Variants in OR4A16 observed in about 807,000 individuals in gnomAD.
OR4A16 encodes olfactory receptor family 4 subfamily A member 16, also known as olfactory receptor 4A16.
For synonymous variants in OR4A16, 210 were observed against 138.6 expected (o/e 1.51, Z -3.62); for missense variants, 594 against 390.9 (o/e 1.52, Z -4.38).
At position 55,343,362 on chromosome 11, in the gene OR4A16, C is replaced by A; in HGVS notation, c.162C>A (p.Gly54=). ...WVTTIGSPSL[G]SLMYFFLAYL... The stretch of plus-strand genomic sequence containing the variant: ...CTACTATTGGCAGCCCCTCCTTGGG[C>A]TCCCTAATGTACTTCTTCCTTGCCT... The change falls in exon 1 of 1, where the codon GGC becomes GGA. Residue 54 remains glycine (G), a synonymous_variant. Coordinates refer to ENST00000314721, the MANE Select transcript of OR4A16 (RefSeq NM_001005274.1). 6.2e-7 allele frequency: 1 copy of A among 1,613,804 alleles called. No homozygotes were observed. The highest frequency in any genetic ancestry group is 8.5e-7 in the Non-Finnish European group (1 of 1,179,834).
Position 55,344,079 on chromosome 11 carries a change from A to T in OR4A16, c.879A>T (p.Lys293Asn). ...LIYSLRQSEM[K>N]NAMKNLWCEK... is the part of the protein sequence containing the mutation. The stretch of plus-strand genomic sequence containing the variant: ...ACTCGTTGAGACAATCAGAGATGAA[A>T]AATGCTATGAAAAATCTCTGGTGTG... Residue 293 changes from lysine to asparagine, a missense_variant, in exon 1 of 1, where the codon AAA becomes AAT. By Grantham distance (94) the Lys-to-Asn change is moderately conservative. Coordinates refer to ENST00000314721, the MANE Select transcript of OR4A16 (RefSeq NM_001005274.1). 1 of 1,611,824 alleles carries T rather than the reference A, an allele frequency of 6.2e-7. No individual in the cohort carries two copies. The highest frequency in any genetic ancestry group is 8.5e-7 in the Non-Finnish European group (1 of 1,178,710).
Position 55,343,911 on chromosome 11 carries a change from C to T in OR4A16, c.711C>T (p.Thr237=). Residue 237 remains threonine (T), a synonymous_variant, in exon 1 of 1, where the codon ACC becomes ACT. Transcript: ENST00000314721. The part of the protein sequence containing the change: ...SQEERHKALP[T]CISHIIVVAL... ...AAGAGAGGCATAAAGCCCTGCCTAC[C>T]TGCATCTCCCACATCATTGTGGTTG... 2 of 1,613,806 alleles carry T rather than the reference C, an allele frequency of 1.2e-6. No individual in the cohort carries two copies. Among genetic ancestry groups the T allele is most frequent in the Non-Finnish European group, 1.7e-6 (2 of 1,179,888 alleles).
At position 55,343,755 on chromosome 11, in the gene OR4A16, G is replaced by T; in HGVS notation, c.555G>T (p.Leu185=). The T allele has an allele frequency of 6.2e-7, 1 of 1,601,460 alleles. No individual in the cohort carries two copies. The highest frequency in any genetic ancestry group is 8.5e-7 in the Non-Finnish European group (1 of 1,172,284). Residue 185 remains leucine (L), a synonymous_variant, in exon 1 of 1, where the codon CTG becomes CTT. Coordinates refer to ENST00000314721, the MANE Select transcript of OR4A16 (RefSeq NM_001005274.1). ...SVCDMYPLLE[L]LCLDTYFIGL... ...GTGACATGTACCCATTGTTGGAACT[G>T]TTGTGCCTTGACACCTACTTTATAG...
At position 55,343,985 on chromosome 11, in the gene OR4A16, A is replaced by G; in HGVS notation, c.785A>G (p.Asn262Ser). 6.2e-7 allele frequency: 1 copy of G among 1,613,496 alleles called. No homozygotes were observed. Among genetic ancestry groups the G allele is most frequent in the South Asian group, 1.1e-5 (1 of 91,066 alleles). The change falls in exon 1 of 1, where the codon AAC (asparagine) becomes AGC (serine). Residue 262 changes from asparagine (N) to serine (S), a missense_variant. By Grantham distance (46) the Asn-to-Ser change is conservative. Transcript: ENST00000314721. ...TTTATGTATGTTAGACCCGTTTCCA[A>G]CTTTCCCTTTGATAAATTAATGACT... Reference protein sequence around the residue: ...CIFMYVRPVSNFPFDKLMTVF... With the variant: ...CIFMYVRPVSSFPFDKLMTVF...
At position 55,343,611 on chromosome 11, in the gene OR4A16, G is replaced by A. The variant is rs1224019126; in HGVS notation, c.411G>A (p.Leu137=). The A allele has an allele frequency of 1.2e-6, 2 of 1,613,316 alleles. No individual in the cohort carries two copies. The highest frequency in any genetic ancestry group is 1.7e-6 in the Non-Finnish European group (2 of 1,179,792). The change falls in exon 1 of 1, where the codon CTG becomes CTA. Residue 137 remains leucine, a synonymous_variant. Coordinates refer to ENST00000314721, the MANE Select transcript of OR4A16 (RefSeq NM_001005274.1). The part of the protein sequence containing the change: ...PLHYLNIMNR[L]VCILLLVVAM... Reference sequence around the variant, plus strand: ...ACTATTTGAACATCATGAATCGACTGGTTTGCATCCTTCTGTTGGTGGTGG... The same window carrying A: ...ACTATTTGAACATCATGAATCGACTAGTTTGCATCCTTCTGTTGGTGGTGG...
In OR4A16 at chr11:55,343,495, C is replaced by A. The variant is rs374770148; in HGVS notation, c.295C>A (p.Leu99Ile). The A allele has an allele frequency of 3.0e-5, 48 of 1,613,836 alleles. No homozygotes were observed. The highest frequency in any genetic ancestry group is 3.8e-5 in the Non-Finnish European group (45 of 1,179,914). ...TTCCTTGTCAGCTTGCATGGGTCAGCTCTTCATAGAACACTTACTTGGTGG... is the reference window on the plus strand; with the variant it reads ...TTCCTTGTCAGCTTGCATGGGTCAGATCTTCATAGAACACTTACTTGGTGG... ...AISLSACMGQLFIEHLLGGAE... is the reference protein window; with the variant it reads ...AISLSACMGQIFIEHLLGGAE... Residue 99 changes from leucine (L) to isoleucine (I), a missense_variant, in exon 1 of 1, where the codon CTC becomes ATC. By Grantham distance (5) the Leu-to-Ile change is conservative. Transcript: ENST00000314721.
Position 55,343,885 on chromosome 11 carries a change from G to T in OR4A16, c.685G>T (p.Glu229Ter), listed in dbSNP as rs745945050. ...ILNFLKTYSQ[E>*]ERHKALPTCI... ...AAACTTCCTTAAAACTTACAGTCAGGAAGAGAGGCATAAAGCCCTGCCTAC... is the reference window on the plus strand; with the variant it reads ...AAACTTCCTTAAAACTTACAGTCAGTAAGAGAGGCATAAAGCCCTGCCTAC... The change falls in exon 1 of 1, where the codon GAA becomes TAA. Residue 229 changes from glutamate (E) to a stop codon, truncating the protein, a stop_gained. Coordinates refer to ENST00000314721, the MANE Select transcript of OR4A16 (RefSeq NM_001005274.1). LOFTEE classifies it low-confidence loss of function (END_TRUNC). The T allele has an allele frequency of 6.2e-6, 10 of 1,613,730 alleles. No homozygotes were observed. The Middle Eastern group carries it at 5.0e-4, about 81-fold the overall frequency.
rs1278449237 is a variant in OR4A16, at chr11:55,343,335, G to A, written c.135G>A (p.Val45=). 34 of 1,613,794 alleles carry A rather than the reference G, an allele frequency of 2.1e-5. No individual in the cohort carries two copies. The highest frequency in any genetic ancestry group is 2.8e-5 in the Non-Finnish European group (33 of 1,179,864). The change falls in exon 1 of 1, where the codon GTG becomes GTA. Residue 45 remains valine, a synonymous_variant. Transcript: ENST00000314721. ...VTMVGNLLIW[V]TTIGSPSLGS... Reference sequence around the variant, plus strand: ...TGGTGGGAAACCTCCTCATTTGGGTGACTACTATTGGCAGCCCCTCCTTGG... The same window carrying A: ...TGGTGGGAAACCTCCTCATTTGGGTAACTACTATTGGCAGCCCCTCCTTGG...
Position 55,344,168 on chromosome 11 carries a change from A to G in OR4A16, c.968A>G (p.Lys323Arg). The change falls in exon 1 of 1, where the codon AAG becomes AGG. Residue 323 changes from lysine (K) to arginine (R), a missense_variant. By Grantham distance (26) the Lys-to-Arg change is conservative. Transcript: ENST00000314721. The part of the protein sequence containing the change: ...PTLNIFIPSS[K>R]ATNRR ...CTGAACATATTTATTCCTAGTTCTAAGGCAACAAATAGGCGGTAAAATACT... is the reference window on the plus strand; with the variant it reads ...CTGAACATATTTATTCCTAGTTCTAGGGCAACAAATAGGCGGTAAAATACT... 2 of 1,585,854 alleles carry G rather than the reference A, an allele frequency of 1.3e-6. No homozygotes were observed. The highest frequency in any genetic ancestry group is 8.5e-7 in the Non-Finnish European group (1 of 1,172,740).
chr11:55,343,907 C>G lies in OR4A16; in HGVS notation c.707C>G (p.Pro236Arg). The G allele has an allele frequency of 6.2e-7, 1 of 1,613,770 alleles. No individual in the cohort carries two copies. The highest frequency in any genetic ancestry group is 8.5e-7 in the Non-Finnish European group (1 of 1,179,874). The change falls in exon 1 of 1, where the codon CCT (proline) becomes CGT (arginine). Residue 236 changes from proline to arginine, a missense_variant. Coordinates refer to ENST00000314721, the MANE Select transcript of OR4A16 (RefSeq NM_001005274.1). The stretch of plus-strand genomic sequence containing the variant: ...CAGGAAGAGAGGCATAAAGCCCTGC[C>G]TACCTGCATCTCCCACATCATTGTG... ...YSQEERHKAL[P>R]TCISHIIVVA...
chr11:55,343,578 G>T lies in OR4A16; in HGVS notation c.378G>T (p.Lys126Asn), dbSNP rs1165415429. ...ATGATCGCTATGTGGCTATCTCTAA[G>T]CCGCTGCACTATTTGAACATCATGA... Reference protein sequence around the residue: ...MAYDRYVAISKPLHYLNIMNR... With the variant: ...MAYDRYVAISNPLHYLNIMNR... Residue 126 changes from lysine to asparagine, a missense_variant, in exon 1 of 1, where the codon AAG (lysine) becomes AAT (asparagine). Physicochemically the swap from Lys to Asn is moderately conservative, Grantham distance 94. Transcript: ENST00000314721. The T allele has an allele frequency of 1.2e-6, 2 of 1,613,930 alleles. No individual in the cohort carries two copies. The highest frequency in any genetic ancestry group is 1.7e-6 in the Non-Finnish European group (2 of 1,179,918).
In OR4A16 at chr11:55,343,400, T is replaced by C. The variant is rs1443363362; in HGVS notation, c.200T>C (p.Met67Thr). The C allele has an allele frequency of 1.9e-6, 3 of 1,613,910 alleles. No individual in the cohort carries two copies. Among genetic ancestry groups the C allele is most frequent in the Admixed American group, 3.3e-5 (2 of 59,976 alleles). Residue 67 changes from methionine (M) to threonine (T), a missense_variant, in exon 1 of 1, where the codon ATG becomes ACG. Physicochemically the swap from Met to Thr is moderately conservative, Grantham distance 81. Transcript: ENST00000314721. ...TTCTTCCTTGCCTACTTGTCACTTA[T>C]GGATGCCATATATTCCACTGCCATG... ...MYFFLAYLSLMDAIYSTAMSP... is the reference protein window; with the variant it reads ...MYFFLAYLSLTDAIYSTAMSP...
Position 55,343,403 on chromosome 11 carries a change from A to G in OR4A16, c.203A>G (p.Asp68Gly), listed in dbSNP as rs768789430. ...TTCCTTGCCTACTTGTCACTTATGG[A>G]TGCCATATATTCCACTGCCATGTCA... Reference protein sequence around the residue: ...YFFLAYLSLMDAIYSTAMSPK... With the variant: ...YFFLAYLSLMGAIYSTAMSPK... The change falls in exon 1 of 1, where the codon GAT (aspartate) becomes GGT (glycine). Residue 68 changes from aspartate to glycine, a missense_variant. Coordinates refer to ENST00000314721, the MANE Select transcript of OR4A16 (RefSeq NM_001005274.1). 2 of 1,613,824 alleles carry G rather than the reference A, an allele frequency of 1.2e-6. No homozygotes were observed. Among genetic ancestry groups the G allele is most frequent in the Middle Eastern group, 1.7e-4 (1 of 6,056 alleles).
Position 55,343,740 on chromosome 11 carries a change from C to G in OR4A16, c.540C>G (p.Tyr180Ter), listed in dbSNP as rs532071573. 6 of 1,613,696 alleles carry G rather than the reference C, an allele frequency of 3.7e-6. No individual in the cohort carries two copies. In the South Asian group the frequency reaches 5.5e-5, roughly 15 times the overall value. ...TTGACCACTCTGTCTGTGACATGTA[C>G]CCATTGTTGGAACTGTTGTGCCTTG... ...NVIDHSVCDM[Y>*]PLLELLCLDT... The change falls in exon 1 of 1, where the codon TAC (tyrosine) becomes TAG (stop). Residue 180 changes from tyrosine (Y) to a stop codon, truncating the protein, a stop_gained. Transcript: ENST00000314721. LOFTEE classifies it low-confidence loss of function (END_TRUNC).
Position 55,343,654 on chromosome 11 carries a change from G to A in OR4A16, c.454G>A (p.Val152Met). ...GGTGGTGGCCATGATTGGAGGTTTT[G>A]TGCACTCTGTGGTTCAAATTGTCTT... ...LLVVAMIGGFVHSVVQIVFLY... is the reference protein window; with the variant it reads ...LLVVAMIGGFMHSVVQIVFLY... Residue 152 changes from valine (V) to methionine (M), a missense_variant, in exon 1 of 1, where the codon GTG becomes ATG. Physicochemically the swap from Val to Met is conservative, Grantham distance 21 (BLOSUM62 1). Transcript: ENST00000314721. 1.2e-6 allele frequency: 2 copies of A among 1,613,862 alleles called. No homozygotes were observed. The highest frequency in any genetic ancestry group is 1.3e-5 in the African/African-American group (1 of 74,994).
At position 55,343,675 on chromosome 11, in the gene OR4A16, G is replaced by A. The variant is rs766145676; in HGVS notation, c.475G>A (p.Val159Ile). Residue 159 changes from valine to isoleucine, a missense_variant, in exon 1 of 1, where the codon GTC (valine) becomes ATC (isoleucine). Val to Ile is a conservative substitution (Grantham distance 29, BLOSUM62 3). Coordinates refer to ENST00000314721, the MANE Select transcript of OR4A16 (RefSeq NM_001005274.1). ...TTTTGTGCACTCTGTGGTTCAAATTGTCTTTCTGTACAGTCTACCAATCTG... is the reference window on the plus strand; with the variant it reads ...TTTTGTGCACTCTGTGGTTCAAATTATCTTTCTGTACAGTCTACCAATCTG... ...GGFVHSVVQIVFLYSLPICGP... is the reference protein window; with the variant it reads ...GGFVHSVVQIIFLYSLPICGP... The A allele has an allele frequency of 3.1e-6, 5 of 1,613,882 alleles. No individual in the cohort carries two copies. The Admixed American group carries it at 5.0e-5, about 16-fold the overall frequency.
chr11:55,343,423 A>C lies in OR4A16; in HGVS notation c.223A>C (p.Met75Leu), dbSNP rs765468983. Residue 75 changes from methionine to leucine, a missense_variant, in exon 1 of 1, where the codon ATG becomes CTG. By Grantham distance (15) the Met-to-Leu change is conservative. Transcript: ENST00000314721. ...SLMDAIYSTAMSPKLMIDLLC... is the reference protein window; with the variant it reads ...SLMDAIYSTALSPKLMIDLLC... ...TATGGATGCCATATATTCCACTGCC[A>C]TGTCACCCAAATTGATGATAGACTT... is the stretch of plus-strand genomic sequence containing the variant. The C allele has an allele frequency of 6.2e-7, 1 of 1,613,874 alleles. No individual in the cohort carries two copies.
chr11:55,343,808 T>A lies in OR4A16; in HGVS notation c.608T>A (p.Ile203Lys). Residue 203 changes from isoleucine to lysine, a missense_variant, in exon 1 of 1, where the codon ATA (isoleucine) becomes AAA (lysine). By Grantham distance (102) the Ile-to-Lys change is moderately radical. Coordinates refer to ENST00000314721, the MANE Select transcript of OR4A16 (RefSeq NM_001005274.1). ...IGLTVVANGG[I>K]ICMVIFTFLL... ...CTCACTGTGGTTGCCAATGGTGGAA[T>A]AATTTGTATGGTCATCTTTACCTTT... The A allele has an allele frequency of 2.5e-6, 4 of 1,598,526 alleles. No homozygotes were observed. Among genetic ancestry groups the A allele is most frequent in the Non-Finnish European group, 3.4e-6 (4 of 1,170,984 alleles).
chr11:55,343,449 A>G lies in OR4A16; in HGVS notation c.249A>G (p.Leu83=). The change falls in exon 1 of 1, where the codon TTA becomes TTG. Residue 83 remains leucine, a synonymous_variant. Coordinates refer to ENST00000314721, the MANE Select transcript of OR4A16 (RefSeq NM_001005274.1). Reference sequence around the variant, plus strand: ...TGTCACCCAAATTGATGATAGACTTACTCTGTGATAAAATCGCTATTTCCT... The same window carrying G: ...TGTCACCCAAATTGATGATAGACTTGCTCTGTGATAAAATCGCTATTTCCT... The part of the protein sequence containing the change: ...TAMSPKLMID[L]LCDKIAISLS... The G allele has an allele frequency of 2.5e-6, 4 of 1,613,588 alleles. No individual in the cohort carries two copies. The highest frequency in any genetic ancestry group is 3.4e-6 in the Non-Finnish European group (4 of 1,179,840).
Sources: gnomAD v4.1 joint callset for allele counts on GRCh38, gnomAD v4.1.1 for gene constraint, MANE v1.5 for transcripts, NCBI Gene and HGNC (gene_info 2026-07-23, HGNC 2026-07-21) for gene names.